Variants in CACNA1D observed in about 807,000 individuals in gnomAD.
CACNA1D encodes voltage-dependent L-type calcium channel subunit alpha-1D.
A neutral mutation model predicts 257.1 loss-of-function variants in CACNA1D; 55 were observed. That is an observed-to-expected ratio of 0.21 (90% CI 0.17 to 0.27). The LOEUF is 0.27. Among genes scored for constraint, CACNA1D ranks in the 10% least tolerant of loss-of-function variants. The pLI is 1.00. For missense variants in CACNA1D, 1,876 were observed against 2,784.0 expected (o/e 0.67, Z 7.34); for synonymous variants, 980 against 1,014.9 (o/e 0.97, Z 0.65).
In CACNA1D at chr3:53,740,263, CAT is replaced by C; in HGVS notation, c.2752-16_2752-15del. Reference sequence around the variant, plus strand: ...GTCTGAATTCCTTTTCTCACTCCCACATGTTGTGCCTTGCAGATACTGGGTTA... The same window carrying C: ...GTCTGAATTCCTTTTCTCACTCCCACGTTGTGCCTTGCAGATACTGGGTTA... On this transcript the variant is annotated splice_polypyrimidine_tract_variant and intron_variant, in intron 20 of 47. Transcript: ENST00000350061. 1 of 1,588,406 alleles carries C rather than the reference CAT, an allele frequency of 6.3e-7. No homozygotes were observed. The highest frequency in any genetic ancestry group is 8.6e-7 in the Non-Finnish European group (1 of 1,156,546).
At chr3:53,755,764 G>A (rs1487204996) in intron 29 of CACNA1D, among the ~76,000 whole-genome samples, 2 of 152,070 alleles carry the variant, frequency 1.3e-5, no homozygotes, top group South Asian at 4.1e-4. Context: ...GAGAGTATCG[G>A]TTCACCAAGA....
chr3:53,727,745 CATG>C (rs896160932), intron 15 of CACNA1D, among the ~76,000 whole-genome samples: 1 of 152,170 alleles, frequency 6.6e-6, no homozygotes, highest in Non-Finnish European at 1.5e-5. Context: ...CGTACACACT[CATG>C]ATACTACATC....
At chr3:53,513,513 G>C (rs1431849464) in intron 3 of CACNA1D, among the ~76,000 whole-genome samples, 1 of 152,170 alleles carries the variant, frequency 6.6e-6, no homozygotes, top group Non-Finnish European at 1.5e-5. Context: ...ACACGCCTGT[G>C]ATTGCAGCTA....
chr3:53,583,665 T>A (rs1356209801), intron 3 of CACNA1D, among the ~76,000 whole-genome samples: 1 of 152,164 alleles, frequency 6.6e-6, no homozygotes, highest in Non-Finnish European at 1.5e-5. Context: ...GCACTCTATT[T>A]ATAATCAAAA....
At chr3:53,784,016 G>A (rs1457866974) in intron 39 of CACNA1D, among the ~76,000 whole-genome samples, 3 of 152,174 alleles carry the variant, frequency 2.0e-5, no homozygotes, top group Non-Finnish European at 4.4e-5. Flanking sequence ...TGCTTGTCTT[G>A]GGTGGCTTCG....
At position 53,541,634 on chromosome 3, in the gene CACNA1D, G is replaced by A. The variant is rs542588048; in HGVS notation, c.483+39914G>A. Among the ~76,000 whole-genome samples the A allele has an allele frequency of 3.9e-5, 6 of 152,292 alleles. No individual in the cohort carries two copies. The East Asian group carries it at 9.6e-4, about 24-fold the overall frequency. Reference sequence around the variant, plus strand: ...TTGGATCTCTGATTTTGTTAAAGCGGAAATGTTTTTCTCTCCCATTCCAGT... The same window carrying A: ...TTGGATCTCTGATTTTGTTAAAGCGAAAATGTTTTTCTCTCCCATTCCAGT... On this transcript the variant is annotated intron_variant, in intron 3 of 47. Coordinates refer to ENST00000350061, the MANE Select transcript of CACNA1D (RefSeq NM_001128840.3).
chr3:53,674,264 A>T (rs1033438021), intron 8 of CACNA1D, among the ~76,000 whole-genome samples: 2 of 152,144 alleles, frequency 1.3e-5, no homozygotes, highest in Non-Finnish European at 2.9e-5. Context: ...TTTAGATTTT[A>T]CTGTGAAGGA....
intron 4 of CACNA1D, among the ~76,000 whole-genome samples, chr3:53,659,903 T>C (rs1351147375): frequency 6.6e-6 from 1 of 152,222 alleles, no homozygotes; most frequent in Non-Finnish European, 1.5e-5. Context: ...ACTTGCTCTC[T>C]GTTGCTCCAT....
intron 9 of CACNA1D, 141 bp from the exon 10 acceptor site, chr3:53,718,160 C>T (rs2094840093): frequency 4.0e-6 from 3 of 750,834 alleles, no homozygotes; most frequent in Admixed American, 3.6e-5. Flanking sequence ...ACTCCCTTAG[C>T]CCAGCTGAGG....
rs77745655 is a variant in CACNA1D at position 53,536,664 on chromosome 3, A to G, written c.483+34944A>G. ...TTTTACATTTTTTAATGTTTGAACA[A>G]ATAGCTGAAGAATAGTAATATCTTG... On this transcript the variant is annotated intron_variant, in intron 3 of 47. Coordinates refer to ENST00000350061, the MANE Select transcript of CACNA1D (RefSeq NM_001128840.3). 8.2e-3 allele frequency among the ~76,000 whole-genome samples: 1,245 copies of G among 152,372 alleles called. 93 individuals carry two copies. The South Asian group carries it at 0.16, about 20-fold the overall frequency.
rs538854753 is a variant in CACNA1D at position 53,751,566 on chromosome 3, G to A, written c.3517-183G>A. 2.6e-5 allele frequency among the ~76,000 whole-genome samples: 4 copies of A among 152,314 alleles called. No homozygotes were observed. The East Asian group carries it at 7.7e-4, about 29-fold the overall frequency. ...GGGTCAGCGAAGGTAATGGAGGCAG[G>A]GCCCTCGGTGACTCAAGAGTGGTGC... On this transcript the variant is annotated intron_variant, in intron 27 of 47. Coordinates refer to ENST00000350061, the MANE Select transcript of CACNA1D (RefSeq NM_001128840.3). This position sits in a 1 kb window ranked among gnomAD's most constrained non-coding sequence, Gnocchi z 4.3.
At chr3:53,780,685 G>A (rs1204716952) in intron 38 of CACNA1D, among the ~76,000 whole-genome samples, 1 of 152,202 alleles carries the variant, frequency 6.6e-6, no homozygotes, top group African/African-American at 2.4e-5. Context: ...GCCATGCTCA[G>A]CCCTGGTCAA....
chr3:53,721,392 G>A (rs1014684474), intron 11 of CACNA1D, among the ~76,000 whole-genome samples: 1 of 152,184 alleles, frequency 6.6e-6, no homozygotes, highest in African/African-American at 2.4e-5. Context: ...CCCCATTGTC[G>A]TTAGTGAGGC....
Position 53,800,668 on chromosome 3 carries a change from C to T in CACNA1D, c.5040+303C>T. 2.0e-6 allele frequency: 1 copy of T among 501,072 alleles called. No homozygotes were observed. The highest frequency in any genetic ancestry group is 3.8e-5 in the East Asian group (1 of 26,182). 31.0% of individuals were successfully genotyped at this position (501,072 alleles called of 1,614,324 possible). ...CATCCTGAGTCCTTCCGGCAGCTGC[C>T]TTTGCTACCCTCCTCCTTCCCGGGC... On this transcript the variant is annotated intron_variant, in intron 41 of 47. Coordinates refer to ENST00000350061, the MANE Select transcript of CACNA1D (RefSeq NM_001128840.3). The surrounding 1 kb of genome is among the most constrained non-coding windows in gnomAD (Gnocchi z 4.3).
At position 53,786,836 on chromosome 3, in the gene CACNA1D, G is replaced by T; in HGVS notation, c.4807G>T (p.Val1603Leu). Reference protein sequence around the residue: ...VPPAGDDEVTVGKFYATFLIQ... With the variant: ...VPPAGDDEVTLGKFYATFLIQ... Reference sequence around the variant, plus strand: ...TCTCCGTTTAGATGATGAGGTAACCGTGGGGAAGTTCTATGCCACTTTCCT... The same window carrying T: ...TCTCCGTTTAGATGATGAGGTAACCTTGGGGAAGTTCTATGCCACTTTCCT... The change falls in exon 40 of 48, where the codon GTG becomes TTG. Residue 1603 changes from valine to leucine, a missense_variant. By Grantham distance (32) the Val-to-Leu change is conservative. This residue lies in a region of CACNA1D where 160 missense variants were observed against 236.6 expected (regional missense o/e 0.68). Transcript: ENST00000350061. 1 of 1,604,896 alleles carries T rather than the reference G, an allele frequency of 6.2e-7. No individual in the cohort carries two copies. Among genetic ancestry groups the T allele is most frequent in the East Asian group, 2.3e-5 (1 of 44,196 alleles).
At chr3:53,554,052 T>C (rs938191410) in intron 3 of CACNA1D, among the ~76,000 whole-genome samples, 6 of 151,730 alleles carry the variant, frequency 4.0e-5, no homozygotes, top group East Asian at 1.9e-4. Flanking sequence ...AAAAATTAGC[T>C]GGGCGTGGTG....
chr3:53,811,642 G>T lies in CACNA1D; in HGVS notation c.*236G>T. ...CGGCCCCAGCTGCAGGAAACAGCAG[G>T]CCCCGCCCTCTCACAGAGGATGGGT... On this transcript the variant is annotated 3_prime_UTR_variant, in exon 48 of 48. Coordinates refer to ENST00000350061, the MANE Select transcript of CACNA1D (RefSeq NM_001128840.3). This position sits in a 1 kb window ranked among gnomAD's most constrained non-coding sequence, Gnocchi z 4.2. 1 of 428,470 alleles carries T rather than the reference G, an allele frequency of 2.3e-6. No individual in the cohort carries two copies. Among genetic ancestry groups the T allele is most frequent in the Non-Finnish European group, 4.1e-6 (1 of 241,070 alleles). The allele number at this position is 428,470 out of a possible 1,614,324, so 26.5% of individuals were successfully genotyped here.
At chr3:53,520,218 CT>C (rs2091496775) in intron 3 of CACNA1D, among the ~76,000 whole-genome samples, 1 of 152,226 alleles carries the variant, frequency 6.6e-6, no homozygotes, top group Non-Finnish European at 1.5e-5. Flanking sequence ...GACTGCCAAG[CT>C]GCTTGCCAAA....
In CACNA1D at chr3:53,688,579, C is replaced by T. The variant is rs142334758; in HGVS notation, c.1221-14062C>T. Among the ~76,000 whole-genome samples the T allele has an allele frequency of 5.9e-3, 891 of 152,252 alleles. 11 individuals carry two copies. The highest frequency in any genetic ancestry group is 0.02 in the African/African-American group (829 of 41,534). ...ACTGGCCTGGTTGTGTCCTCCTCCT[C>T]GGAGGTCATTTCTGTGAGCTGGAAA... On this transcript the variant is annotated intron_variant, in intron 8 of 47. Transcript: ENST00000350061.
Sources: allele counts gnomAD v4.1 joint callset (sites outside exome capture counted in the v4.1 genomes callset), GRCh38; gene constraint gnomAD v4.1.1; regional missense constraint gnomAD v4.1.1; non-coding constraint Gnocchi (gnomAD v3.1); transcripts MANE v1.5; gene names NCBI Gene and HGNC (gene_info 2026-07-23, HGNC 2026-07-21).